Variants in CLCN3 observed in about 807,000 individuals in gnomAD.
CLCN3 encodes H(+)/Cl(-) exchange transporter 3.
In CLCN3, 16 loss-of-function variants were observed where a neutral mutation model predicts 83.4. That is an observed-to-expected ratio of 0.19 (90% CI 0.13 to 0.29). The LOEUF (loss-of-function observed/expected upper bound fraction) is 0.29, where lower values mean the gene tolerates loss of function less well. Ranked by LOEUF, CLCN3 falls within the 10% of genes least tolerant of loss-of-function variation. The pLI is 1.00. For missense variants in CLCN3, 544 were observed against 1,006.0 expected (o/e 0.54, Z 6.21); for synonymous variants, 322 against 346.2 (o/e 0.93, Z 0.78).
In CLCN3 at chr4:169,680,124, A is replaced by T; in HGVS notation, c.235A>T (p.Ile79Phe). 6.2e-7 allele frequency: 1 copy of T among 1,612,500 alleles called. No homozygotes were observed. The highest frequency in any genetic ancestry group is 1.3e-5 in the African/African-American group (1 of 75,028). ...THLLDLLDEPIPGVGTYDDFH... is the reference protein window; with the variant it reads ...THLLDLLDEPFPGVGTYDDFH... Reference sequence around the variant, plus strand: ...TTTACTGGATCTTTTGGATGAACCAATTCCAGGTGTTGGTACATATGATGA... The same window carrying T: ...TTTACTGGATCTTTTGGATGAACCATTTCCAGGTGTTGGTACATATGATGA... Residue 79 changes from isoleucine to phenylalanine, a missense_variant, in exon 3 of 13, where the codon ATT becomes TTT. Transcript: ENST00000513761.
chr4:169,623,553 G>A (rs1298957166), intron 1 of CLCN3, among the ~76,000 whole-genome samples: 1 of 152,082 alleles, frequency 6.6e-6, no homozygotes, highest in African/African-American at 2.4e-5. Context: ...CAATTTTGAG[G>A]TATATAGTAC....
At chr4:169,687,577 A>C in intron 3 of CLCN3, 81 bp from the exon 4 acceptor site, 1 of 891,830 alleles carries the variant, frequency 1.1e-6, no homozygotes, top group South Asian at 1.6e-5. Context: ...ATGTATGGTA[A>C]ATGAGAAAAA....
intron 2 of CLCN3, among the ~76,000 whole-genome samples, chr4:169,672,220 T>TGATAGATAGATA (rs70964217): frequency 0.37 from 54,301 of 145,160 alleles, 10,865 homozygotes; most frequent in East Asian, 0.5. Flanking sequence ...TCAAAATAAA[T>TGATAGATAGATA]GATAGATAGA....
At chr4:169,658,484 A>G (rs1488960610) in intron 2 of CLCN3, among the ~76,000 whole-genome samples, 1 of 152,038 alleles carries the variant, frequency 6.6e-6, no homozygotes, top group Non-Finnish European at 1.5e-5. Flanking sequence ...AAAGACATAT[A>G]AGAACATGAA....
intron 2 of CLCN3, among the ~76,000 whole-genome samples, chr4:169,668,312 C>T (rs944682126): frequency 2.6e-5 from 4 of 152,046 alleles, no homozygotes; most frequent in South Asian, 2.1e-4. Flanking sequence ...CACCACTACA[C>T]GTGGCTTTCC....
At chr4:169,622,026 G>A (rs995779594) in intron 1 of CLCN3, among the ~76,000 whole-genome samples, 6 of 152,094 alleles carry the variant, frequency 3.9e-5, no homozygotes, top group African/African-American at 1.4e-4. Context: ...TTGAATATGC[G>A]TATATGGCCT....
intron 2 of CLCN3, among the ~76,000 whole-genome samples, chr4:169,666,221 A>G (rs1243322028): frequency 6.6e-6 from 1 of 152,214 alleles, no homozygotes; most frequent in Non-Finnish European, 1.5e-5. Flanking sequence ...AGTAAGAGTA[A>G]GCATTGTTTA....
rs769086873 is a variant in CLCN3, at chr4:169,635,904, C to G, written c.-16-9C>G. ...GAAAAATGTTAAAACTACTTTTTCCCCCCCACAGATAATCAGACAGCTAAA... is the reference window on the plus strand; with the variant it reads ...GAAAAATGTTAAAACTACTTTTTCCGCCCCACAGATAATCAGACAGCTAAA... On this transcript the variant is annotated splice_polypyrimidine_tract_variant and intron_variant, in intron 1 of 12. Coordinates refer to ENST00000513761, the MANE Select transcript of CLCN3 (RefSeq NM_001829.4). 1.3e-6 allele frequency: 2 copies of G among 1,500,194 alleles called. No homozygotes were observed. Among genetic ancestry groups the G allele is most frequent in the South Asian group, 1.3e-5 (1 of 74,214 alleles). The allele number at this position is 1,500,194 out of a possible 1,614,324, so 92.9% of individuals were successfully genotyped here. A position where few individuals can be genotyped will look rare whatever the true frequency, so the allele number is the denominator to read the frequency against.
intron 2 of CLCN3, among the ~76,000 whole-genome samples, chr4:169,644,539 G>A (rs996359527): frequency 6.6e-6 from 1 of 152,124 alleles, no homozygotes; most frequent in Non-Finnish European, 1.5e-5. Context: ...ACCGTGCCTG[G>A]CCAATACAAC....
At chr4:169,631,337 A>G (rs1043338385) in intron 1 of CLCN3, among the ~76,000 whole-genome samples, 1 of 152,124 alleles carries the variant, frequency 6.6e-6, no homozygotes, top group Non-Finnish European at 1.5e-5. Flanking sequence ...CCCAGGCTGG[A>G]GTGCAGTGGC....
intron 12 of CLCN3, among the ~76,000 whole-genome samples, chr4:169,719,037 C>CT (rs1336822102): frequency 1.3e-5 from 2 of 152,172 alleles, no homozygotes; most frequent in African/African-American, 4.8e-5. Flanking sequence ...TCTTGGGGCT[C>CT]TGATGTTTGG....
intron 1 of CLCN3, among the ~76,000 whole-genome samples, chr4:169,628,354 TAAA>T (rs950650268): frequency 1.3e-5 from 2 of 152,116 alleles, no homozygotes; most frequent in African/African-American, 4.8e-5. Context: ...TAGACCCTGT[TAAA>T]AAGATGAAAA....
At chr4:169,628,427 C>A (rs1773288983) in intron 1 of CLCN3, among the ~76,000 whole-genome samples, 1 of 152,088 alleles carries the variant, frequency 6.6e-6, no homozygotes. Flanking sequence ...TAACTAGTAT[C>A]TGTAATATAT....
chr4:169,680,269 A>G (rs926028013), intron 3 of CLCN3, 62 bp downstream of exon 3: 73 of 1,169,530 alleles, frequency 6.2e-5, no homozygotes, highest in Non-Finnish European at 8.3e-5. Flanking sequence ...TTAATAATAT[A>G]TTTCTGCCAA....
intron 1 of CLCN3, among the ~76,000 whole-genome samples, chr4:169,631,211 G>A (rs1044050952): frequency 2.6e-5 from 4 of 152,058 alleles, no homozygotes; most frequent in African/African-American, 9.7e-5. Context: ...GTGACGTTGG[G>A]CATTTTTTCA....
intron 11 of CLCN3, among the ~76,000 whole-genome samples, chr4:169,711,649 C>T (rs1443357336): frequency 6.6e-6 from 1 of 152,056 alleles, no homozygotes; most frequent in Non-Finnish European, 1.5e-5. Flanking sequence ...TGCGCCTGGC[C>T]TGATCATGCT....
chr4:169,670,430 GT>G (rs1351844704), intron 2 of CLCN3, among the ~76,000 whole-genome samples: 4 of 152,172 alleles, frequency 2.6e-5, no homozygotes, highest in African/African-American at 9.7e-5. Flanking sequence ...GATTGTAGAT[GT>G]GTGGTGTTAT....
intron 2 of CLCN3, among the ~76,000 whole-genome samples, chr4:169,639,578 C>T (rs1730342204): frequency 6.6e-6 from 1 of 152,064 alleles, no homozygotes; most frequent in Non-Finnish European, 1.5e-5. Flanking sequence ...AGTGAATGTC[C>T]TTTTTTAAGA....
chr4:169,718,247 C>T lies in CLCN3; in HGVS notation c.2367-1660C>T, dbSNP rs919593030. Among the ~76,000 whole-genome samples, 3 of 150,878 alleles carry T rather than the reference C, an allele frequency of 2.0e-5. No individual in the cohort carries two copies. The East Asian group carries it at 5.8e-4, about 29-fold the overall frequency. ...TGGTTAAAAATGTCTGACCCATCCC[C>T]GCAAGCCCTTTTTTTTTTTTTTAAA... On this transcript the variant is annotated intron_variant, in intron 12 of 12. Coordinates refer to ENST00000513761, the MANE Select transcript of CLCN3 (RefSeq NM_001829.4).
Sources: allele counts gnomAD v4.1 joint callset (sites outside exome capture counted in the v4.1 genomes callset), GRCh38; gene constraint gnomAD v4.1.1; transcripts MANE v1.5; gene names NCBI Gene and HGNC (gene_info 2026-07-23, HGNC 2026-07-21).